NREP: variants seen among roughly 807,000 people sequenced by gnomAD.
NREP encodes the protein neuronal regeneration related protein.
A neutral mutation model predicts 8.6 loss-of-function variants in NREP; 5 were observed. The ratio of observed to expected loss-of-function variants is 0.58; its 90% CI spans 0.30 to 1.22. NREP has a LOEUF of 1.22. Among genes scored for constraint, NREP ranks in the 50% most tolerant of loss-of-function variants. NREP has a pLI of 0.07. For synonymous variants in NREP, 27 were observed against 28.0 expected, an observed-to-expected ratio of 0.96 and a Z score of 0.11; for missense variants, 86 against 82.5, an observed-to-expected ratio of 1.04 and a Z score of -0.17.
chr5:111,771,002 T>C (rs892846180), intron 2 of NREP, among the ~76,000 whole-genome samples: 2 of 152,224 alleles, frequency 1.3e-5, no homozygotes, highest in African/African-American at 4.8e-5. Flanking sequence ...ACAAACAATA[T>C]AGAAATTTTG....
intron 2 of NREP, among the ~76,000 whole-genome samples, chr5:111,876,594 A>G (rs1324717223): frequency 6.6e-6 from 1 of 152,208 alleles, no homozygotes; most frequent in African/African-American, 2.4e-5. Context: ...ACAAAACAAA[A>G]CAAAAAAGAA....
At chr5:111,758,282 C>G (rs151306837), upstream of NREP, 1,060 of 983,882 alleles carry the variant, frequency 1.1e-3, 10 homozygotes, top group African/African-American at 0.017. Context: ...CTGGCGTGAT[C>G]GGCCCAAGAC....
chr5:111,794,929 G>C (rs1162835849), intron 2 of NREP, among the ~76,000 whole-genome samples: 1 of 151,376 alleles, frequency 6.6e-6, no homozygotes, highest in Non-Finnish European at 1.5e-5. Context: ...CATATATGGG[G>C]GTCAGGGGAT....
chr5:111,966,343 C>A (rs1433785855), intron 2 of NREP, among the ~76,000 whole-genome samples: 1 of 152,120 alleles, frequency 6.6e-6, no homozygotes, highest in South Asian at 2.1e-4. Flanking sequence ...GATACTGGCT[C>A]CAACTCAACA....
At chr5:111,867,411 G>A (rs538101614) in intron 2 of NREP, among the ~76,000 whole-genome samples, 6 of 152,184 alleles carry the variant, frequency 3.9e-5, no homozygotes, top group South Asian at 2.1e-4. Context: ...TTCCTTGCAC[G>A]TGCTCACTTG....
intron 2 of NREP, among the ~76,000 whole-genome samples, chr5:111,853,012 G>A (rs1337541034): frequency 6.6e-6 from 1 of 152,102 alleles, no homozygotes; most frequent in Non-Finnish European, 1.5e-5. Flanking sequence ...AGAACTGCTT[G>A]GGGTGGTGGA....
Position 111,975,327 on chromosome 5 carries a change from C to A in NREP, c.82G>T (p.Val28Phe). Residue 28 changes from valine (V) to phenylalanine (F), a missense_variant, in exon 2 of 4, where the codon GTC becomes TTC. By Grantham distance (50) the Val-to-Phe change is conservative (BLOSUM62 -1). Coordinates refer to the NREP transcript ENST00000395634. The stretch of plus-strand genomic sequence containing the variant: ...ACCTGGAAACATTTGGAACAAGGGA[C>A]TCTGTCTGTCATCCTGCTCCTCTGG... 6.4e-7 allele frequency: 1 copy of A among 1,551,680 alleles called. No individual in the cohort carries two copies. The highest frequency in any genetic ancestry group is 1.2e-5 in the South Asian group (1 of 84,070).
At chr5:111,914,008 G>T (rs539468556) in intron 2 of NREP, among the ~76,000 whole-genome samples, 1 of 152,138 alleles carries the variant, frequency 6.6e-6, no homozygotes, top group African/African-American at 2.4e-5. Flanking sequence ...TTTGGTGGCT[G>T]CTGGTACTTT....
intron 2 of NREP, among the ~76,000 whole-genome samples, chr5:111,800,433 CTTAGT>C (rs1410857971): frequency 6.6e-6 from 1 of 152,224 alleles, no homozygotes; most frequent in African/African-American, 2.4e-5. Flanking sequence ...GGGTCCTGTG[CTTAGT>C]TTAATGCTCT....
intron 2 of NREP, among the ~76,000 whole-genome samples, chr5:111,883,301 AG>A (rs1287595540): frequency 2.0e-5 from 3 of 152,220 alleles, no homozygotes; most frequent in African/African-American, 7.2e-5. Context: ...CACCCAATAC[AG>A]GAGCACCCAG....
intron 2 of NREP, among the ~76,000 whole-genome samples, chr5:111,861,473 T>C (rs1281016037): frequency 6.6e-6 from 1 of 152,172 alleles, no homozygotes; most frequent in Non-Finnish European, 1.5e-5. Flanking sequence ...AAGGGCTAGA[T>C]AGGCTCCAGT....
chr5:111,732,958 A>C (rs967556654), intron 3 of NREP: 6 of 152,214 alleles, frequency 3.9e-5, no homozygotes, highest in African/African-American at 1.4e-4. Context: ...ACGTTAGTGT[A>C]TCTCTCTATT....
intron 2 of NREP, among the ~76,000 whole-genome samples, chr5:111,875,767 G>T (rs142413031): frequency 6.6e-6 from 1 of 152,304 alleles, no homozygotes; most frequent in East Asian, 1.9e-4. Context: ...AAGCAGCCTT[G>T]TTGTCTGGGT....
At chr5:111,927,790 T>C (rs1368056713) in intron 2 of NREP, among the ~76,000 whole-genome samples, 1 of 152,160 alleles carries the variant, frequency 6.6e-6, no homozygotes, top group African/African-American at 2.4e-5. Flanking sequence ...CTTTTAAATA[T>C]TTAAGCCCTC....
intron 2 of NREP, among the ~76,000 whole-genome samples, chr5:111,791,612 G>A (rs1751749361): frequency 6.6e-6 from 1 of 152,036 alleles, no homozygotes; most frequent in Non-Finnish European, 1.5e-5. Context: ...CGAGTAGCTG[G>A]GACTATAGGT....
At chr5:111,838,309 C>T (rs1412412944) in intron 2 of NREP, among the ~76,000 whole-genome samples, 3 of 152,060 alleles carry the variant, frequency 2.0e-5, no homozygotes, top group Non-Finnish European at 4.4e-5. Context: ...AAGTTAGTGG[C>T]TACTACACTG....
At chr5:111,960,118 A>C (rs1473461941) in intron 2 of NREP, among the ~76,000 whole-genome samples, 1 of 152,178 alleles carries the variant, frequency 6.6e-6, no homozygotes, top group African/African-American at 2.4e-5. Flanking sequence ...TTTGAGTATA[A>C]AAATAGCTCA....
chr5:111,781,355 C>A (rs1367887251), intron 2 of NREP, among the ~76,000 whole-genome samples: 1 of 152,140 alleles, frequency 6.6e-6, no homozygotes, highest in East Asian at 1.9e-4. Context: ...GAAGTCCATG[C>A]AACATGGAAA....
intron 2 of NREP, among the ~76,000 whole-genome samples, chr5:111,811,959 C>T (rs1752279992): frequency 6.6e-6 from 1 of 152,098 alleles, no homozygotes; most frequent in Admixed American, 6.6e-5. Flanking sequence ...CGACTTGTTT[C>T]ATCTCAATTT....
Sources: gnomAD v4.1 joint callset for allele counts (sites outside exome capture counted in the v4.1 genomes callset) on GRCh38, gnomAD v4.1.1 for gene constraint, MANE v1.5 for transcripts, NCBI Gene and HGNC (gene_info 2026-07-23, HGNC 2026-07-21) for gene names.